The following HDAC9 variants were observed in gnomAD, a reference collection of about 807,000 sequenced individuals.
The protein encoded by HDAC9 is MEF-2 interacting transcription repressor (MITR) protein.
A neutral mutation model predicts 139.4 loss-of-function variants in HDAC9; 41 were observed. The ratio of observed to expected loss-of-function variants is 0.29; its 90% CI spans 0.23 to 0.38. HDAC9 has a LOEUF of 0.38. Among genes scored for constraint, HDAC9 ranks in the 10% least tolerant of loss-of-function variants. The pLI, the probability that HDAC9 is intolerant of heterozygous loss-of-function variation, is 1.00. For missense variants in HDAC9, 1,147 were observed against 1,297.0 expected, an observed-to-expected ratio of 0.88 and a Z score of 1.78; for synonymous variants, 517 against 476.2, an observed-to-expected ratio of 1.09 and a Z score of -1.12.
chr7:18,257,118 ATGTG>A (rs150400645), intron 2 of HDAC9, among the ~76,000 whole-genome samples: 2,606 of 95,260 alleles, frequency 0.027, 83 homozygotes, highest in African/African-American at 0.071. Context: ...GTGTGCATGT[ATGTG>A]TGTGTGTGTG....
At chr7:18,501,608 A>C (rs1278602748) in intron 2 of HDAC9, among the ~76,000 whole-genome samples, 3 of 152,130 alleles carry the variant, frequency 2.0e-5, no homozygotes, top group African/African-American at 4.8e-5. Context: ...CATCAGTGAT[A>C]TGTTCTTATT....
chr7:18,340,428 GT>G (rs1366252724), intron 1 of HDAC9, among the ~76,000 whole-genome samples: 1 of 151,332 alleles, frequency 6.6e-6, no homozygotes, highest in East Asian at 1.9e-4. Context: ...TGTTCTGTCC[GT>G]TCTTTGTTCC....
intron 1 of HDAC9, among the ~76,000 whole-genome samples, chr7:18,438,428 G>C (rs1791422784): frequency 6.6e-6 from 1 of 152,198 alleles, no homozygotes; most frequent in Admixed American, 6.5e-5. Flanking sequence ...ATAACACTTT[G>C]CCAGTCATTG....
At position 18,317,356 on chromosome 7, in the gene HDAC9, C is replaced by G. The variant is rs139346399; in HGVS notation, c.-42+26841C>G. On this transcript the variant is annotated intron_variant, in intron 1 of 3. Coordinates refer to the HDAC9 transcript ENST00000413509. ...TGACTAAAGCTATAATTAGTCATGG[C>G]TCTCTGATTATTCTAAAAAGTGAAT... Among the ~76,000 whole-genome samples the G allele has an allele frequency of 3.4e-3, 517 of 152,136 alleles. 3 individuals are homozygous for G. The highest frequency in any genetic ancestry group is 0.012 in the African/African-American group (502 of 41,518).
chr7:18,996,076 CCT>C lies in HDAC9; in HGVS notation c.*17_*18del, dbSNP rs755647069. The C allele has an allele frequency of 1.2e-5, 19 of 1,594,626 alleles. No individual in the cohort carries two copies. The African/African-American group carries it at 2.5e-4, about 21-fold the overall frequency. On this transcript the variant is annotated 3_prime_UTR_variant, in exon 26 of 26. Coordinates refer to ENST00000686413, the MANE Select transcript of HDAC9 (RefSeq NM_178425.4). ...CCAGCCTTGTGAAGTGCCAAGTCCC[CCT>C]CTGATATTTCCTGTGTGTGACATCA... is the stretch of plus-strand genomic sequence containing the variant.
Position 18,840,657 on chromosome 7 carries a change from G to T in HDAC9, c.2684+4660G>T, listed in dbSNP as rs905107923. 6.6e-5 allele frequency among the ~76,000 whole-genome samples: 10 copies of T among 152,024 alleles called. No homozygotes were observed. In the South Asian group the frequency reaches 1.9e-3, roughly 28 times the overall value. ...GAATTTTTAGAAGCTTAATGTTTTT[G>T]CTATATAGTCAAAGCCATTGAACCA... On this transcript the variant is annotated intron_variant, in intron 21 of 25. Transcript: ENST00000686413.
chr7:18,631,684 T>C (rs1004279397), intron 7 of HDAC9, among the ~76,000 whole-genome samples: 5 of 151,964 alleles, frequency 3.3e-5, no homozygotes, highest in African/African-American at 1.2e-4. Context: ...ATTCAAGTAT[T>C]TTCTGCCCCC....
At chr7:18,340,257 G>A (rs1781902013) in intron 1 of HDAC9, among the ~76,000 whole-genome samples, 1 of 151,306 alleles carries the variant, frequency 6.6e-6, no homozygotes, top group Non-Finnish European at 1.5e-5. Context: ...ACCTATTTGA[G>A]TCATATTTAT....
intron 1 of HDAC9, among the ~76,000 whole-genome samples, chr7:18,490,120 G>T (rs924196456): frequency 1.3e-5 from 2 of 151,972 alleles, no homozygotes; most frequent in African/African-American, 4.8e-5. Context: ...CACACCAAAA[G>T]ATACTTTATT....
rs537873606 is a variant in HDAC9 at position 18,437,222 on chromosome 7, A to G, written c.-41-59040A>G. 7.9e-5 allele frequency among the ~76,000 whole-genome samples: 12 copies of G among 152,058 alleles called. No homozygotes were observed. In the East Asian group the frequency reaches 2.3e-3, roughly 29 times the overall value. Reference sequence around the variant, plus strand: ...GTGTATGTGTATGTGTGCATGTGGTATGTGTGTGTGTTTATATACATATGA... The same window carrying G: ...GTGTATGTGTATGTGTGCATGTGGTGTGTGTGTGTGTTTATATACATATGA... On this transcript the variant is annotated intron_variant, in intron 1 of 3. Transcript: ENST00000413509.
intron 2 of HDAC9, among the ~76,000 whole-genome samples, chr7:18,248,776 G>T (rs1407480852): frequency 6.6e-6 from 1 of 152,126 alleles, no homozygotes; most frequent in East Asian, 1.9e-4. Context: ...TCTGCTATGT[G>T]CCAAGTATTA....
chr7:18,407,367 GCA>G (rs1420283888), intron 1 of HDAC9, among the ~76,000 whole-genome samples: 2 of 152,130 alleles, frequency 1.3e-5, no homozygotes, highest in African/African-American at 4.8e-5. Flanking sequence ...AAATAATGTT[GCA>G]CATTAAAATC....
intron 23 of HDAC9, among the ~76,000 whole-genome samples, chr7:18,936,155 C>T (rs1444986234): frequency 6.6e-6 from 1 of 152,180 alleles, no homozygotes; most frequent in Non-Finnish European, 1.5e-5. Flanking sequence ...TCCCTTCAAT[C>T]AGGTTAGCCA....
At position 18,420,099 on chromosome 7, in the gene HDAC9, T is replaced by C. The variant is rs148215486; in HGVS notation, c.-41-76163T>C. On this transcript the variant is annotated intron_variant, in intron 1 of 3. Coordinates refer to the HDAC9 transcript ENST00000413509. The stretch of plus-strand genomic sequence containing the variant: ...GAGATAAACAAAACTCATAAACCAC[T>C]GAGATTAGATAAATTGTTAGAGTTG... 8.2e-4 allele frequency among the ~76,000 whole-genome samples: 125 copies of C among 152,150 alleles called. 8 individuals are homozygous for C. The highest frequency in any genetic ancestry group is 3.1e-4 in the African/African-American group (13 of 41,438).
At chr7:18,941,217 C>T (rs543918229) in intron 23 of HDAC9, among the ~76,000 whole-genome samples, 2 of 151,352 alleles carry the variant, frequency 1.3e-5, no homozygotes, top group Non-Finnish European at 3.0e-5. Context: ...CACTTCCTCA[C>T]TCCCTTCAAC....
intron 6 of HDAC9, among the ~76,000 whole-genome samples, chr7:18,609,224 A>G (rs1364086964): frequency 1.3e-5 from 2 of 152,242 alleles, no homozygotes; most frequent in Admixed American, 6.5e-5. Flanking sequence ...CTATATTGGC[A>G]TGGTTCAATT....
At chr7:18,102,016 T>C (rs1256674508) in intron 1 of HDAC9, among the ~76,000 whole-genome samples, 1 of 152,226 alleles carries the variant, frequency 6.6e-6, no homozygotes, top group Non-Finnish European at 1.5e-5. Flanking sequence ...AGTTCATGGA[T>C]AGGCCTTGAG....
chr7:18,826,715 C>T (rs1412599108), intron 17 of HDAC9, among the ~76,000 whole-genome samples: 2 of 127,392 alleles, frequency 1.6e-5, no homozygotes, highest in Non-Finnish European at 3.3e-5. Flanking sequence ...GATTTCATTT[C>T]CATTTTGTTT....
chr7:18,663,254 A>C (rs990484719), intron 11 of HDAC9, among the ~76,000 whole-genome samples: 2 of 152,074 alleles, frequency 1.3e-5, no homozygotes, highest in Non-Finnish European at 2.9e-5. Flanking sequence ...AATGAGGTCA[A>C]GTGGAGGACA....
Sources: allele counts gnomAD v4.1 joint callset (sites outside exome capture counted in the v4.1 genomes callset), GRCh38; gene constraint gnomAD v4.1.1; transcripts MANE v1.5; gene names NCBI Gene and HGNC (gene_info 2026-07-23, HGNC 2026-07-21).